MYO18A: variants seen among roughly 807,000 people sequenced by gnomAD.
MYO18A encodes unconventional myosin-XVIIIa.
In MYO18A, 78 loss-of-function variants were observed where a neutral mutation model predicts 235.8. The observed-to-expected ratio is 0.33, with a 90% CI of 0.28 to 0.40. The LOEUF is 0.40. Ranked by LOEUF, MYO18A falls within the 10% of genes least tolerant of loss-of-function variation. The pLI is 1.00. For missense variants in MYO18A, 2,215 were observed against 2,699.3 expected (o/e 0.82, Z 3.98); for synonymous variants, 977 against 1,077.8 (o/e 0.91, Z 1.83).
At position 29,119,341 on chromosome 17, in the gene MYO18A, G is replaced by A; in HGVS notation, c.1823C>T (p.Thr608Ile). ...FYYLLACGDG[T>I]LRTELHLNHL... Reference sequence around the variant, plus strand: ...ACCCTCTGACCCATCTCACCTGAGGGTGCCATCCCCACAGGCCAGCAGGTA... The same window carrying A: ...ACCCTCTGACCCATCTCACCTGAGGATGCCATCCCCACAGGCCAGCAGGTA... Residue 608 changes from threonine to isoleucine, a missense_variant, in exon 8 of 42, where the codon ACC becomes ATC. Coordinates refer to ENST00000527372, the MANE Select transcript of MYO18A (RefSeq NM_078471.4). 4 of 1,611,634 alleles carry A rather than the reference G, an allele frequency of 2.5e-6. No homozygotes were observed. Among genetic ancestry groups the A allele is most frequent in the Non-Finnish European group, 1.7e-6 (2 of 1,179,020 alleles).
At chr17:29,090,375 G>T (rs1195343148) in intron 36 of MYO18A, among the ~76,000 whole-genome samples, 157 bp downstream of exon 36, 2 of 152,224 alleles carry the variant, frequency 1.3e-5, no homozygotes, top group African/African-American at 4.8e-5. Context: ...CTGTTATGGT[G>T]ACATGGCTCC....
At chr17:29,092,241 G>A in intron 34 of MYO18A, 102 bp downstream of exon 34, 1 of 813,510 alleles carries the variant, frequency 1.2e-6, no homozygotes, top group Admixed American at 2.1e-5. Context: ...CCTGTCACAA[G>A]TCCTGACGTG....
chr17:29,102,997 G>C (rs2066692833), intron 21 of MYO18A, among the ~76,000 whole-genome samples: 1 of 152,186 alleles, frequency 6.6e-6, no homozygotes, highest in South Asian at 2.1e-4. Context: ...GGGCATGCAG[G>C]GCTTCCTGCC....
intron 2 of MYO18A, among the ~76,000 whole-genome samples, chr17:29,159,051 T>C (rs778694681): frequency 1.6e-4 from 24 of 152,046 alleles, no homozygotes; most frequent in Non-Finnish European, 2.9e-4. Flanking sequence ...GCCATGACCA[T>C]GTCATGTACC....
intron 37 of MYO18A, among the ~76,000 whole-genome samples, chr17:29,088,203 C>T (rs964102437): frequency 4.6e-5 from 7 of 151,620 alleles, no homozygotes; most frequent in African/African-American, 1.5e-4. Context: ...TACAGGCGCC[C>T]GCCACCACGC....
intron 2 of MYO18A, among the ~76,000 whole-genome samples, chr17:29,153,780 CA>C (rs2068004901): frequency 6.6e-6 from 1 of 152,184 alleles, no homozygotes; most frequent in Non-Finnish European, 1.5e-5. Context: ...TCTGTTTCTA[CA>C]GCAACAATGA....
chr17:29,110,106 C>A lies in MYO18A; in HGVS notation c.3088-5G>T. ...GATGGTGTCGATGAGGGCGTCCTGCCGAGGGGAAGAGACTGCCCTCAGTGG... is the reference window on the plus strand; with the variant it reads ...GATGGTGTCGATGAGGGCGTCCTGCAGAGGGGAAGAGACTGCCCTCAGTGG... On this transcript the variant is annotated splice_region_variant and splice_polypyrimidine_tract_variant and intron_variant, in intron 18 of 41. Coordinates refer to ENST00000527372, the MANE Select transcript of MYO18A (RefSeq NM_078471.4). The A allele has an allele frequency of 6.2e-7, 1 of 1,607,938 alleles. No individual in the cohort carries two copies. Among genetic ancestry groups the A allele is most frequent in the South Asian group, 1.1e-5 (1 of 90,920 alleles).
chr17:29,115,565 C>G, intron 12 of MYO18A, 99 bp downstream of exon 12: 1 of 1,475,952 alleles, frequency 6.8e-7, no homozygotes, highest in Non-Finnish European at 9.1e-7. Flanking sequence ...ACTGACAGAG[C>G]ATCTGTTCAC....
At chr17:29,113,940 G>A in intron 15 of MYO18A, 71 bp downstream of exon 15, 1 of 1,270,090 alleles carries the variant, frequency 7.9e-7, no homozygotes, top group Admixed American at 2.0e-5. Context: ...CAGATGGGGA[G>A]GGCTCCACCA....
intron 17 of MYO18A, among the ~76,000 whole-genome samples, 181 bp from the exon 18 acceptor site, chr17:29,110,803 C>T (rs1253005849): frequency 1.3e-5 from 2 of 152,110 alleles, no homozygotes; most frequent in Non-Finnish European, 2.9e-5. Flanking sequence ...AATTTTCAAA[C>T]AGTAAGGAGA....
intron 12 of MYO18A, 87 bp from the exon 13 acceptor site, chr17:29,115,528 C>A: frequency 6.6e-7 from 1 of 1,504,632 alleles, no homozygotes; most frequent in South Asian, 1.2e-5. Flanking sequence ...GCCCAGTCAG[C>A]ACGGGGCCTG....
chr17:29,090,421 T>C (rs1198634670), intron 36 of MYO18A, 111 bp downstream of exon 36: 1 of 946,046 alleles, frequency 1.1e-6, no homozygotes, highest in Non-Finnish European at 1.6e-6. Context: ...CGCTGCTCTG[T>C]GGATTACTGA....
rs2068615462 is a variant in MYO18A, at chr17:29,180,084, C to A, written c.-82+229G>T. Among the ~76,000 whole-genome samples the A allele has an allele frequency of 6.6e-6, 1 of 151,518 alleles. No homozygotes were observed. The highest frequency in any genetic ancestry group is 6.6e-5 in the Admixed American group (1 of 15,242). ...TTGGCTGGAAGGGCCGGTGGTTCCC[C>A]CTTCCCCGCCGCTCCCGATCGGCCC... On this transcript the variant is annotated intron_variant, in intron 1 of 41. Transcript: ENST00000527372. The surrounding 1 kb of genome is among the most constrained non-coding windows in gnomAD (Gnocchi z 6.1).
intron 1 of MYO18A, among the ~76,000 whole-genome samples, chr17:29,172,084 T>A (rs2152986491): frequency 6.6e-6 from 1 of 152,308 alleles, no homozygotes; most frequent in East Asian, 1.9e-4. Context: ...AATATGTATC[T>A]ATCAGCCACT....
intron 19 of MYO18A, 94 bp from the exon 20 acceptor site, chr17:29,107,283 C>A: frequency 2.5e-6 from 3 of 1,211,728 alleles, no homozygotes; most frequent in Non-Finnish European, 3.7e-6. Context: ...TGGAGAGTCA[C>A]CAAAAGGGAA....
chr17:29,142,262 C>A (rs527558317), intron 2 of MYO18A, among the ~76,000 whole-genome samples: 30 of 152,316 alleles, frequency 2.0e-4, no homozygotes, highest in Admixed American at 2.0e-3. Context: ...GATAAAAGCT[C>A]CCCAGGTGAT....
chr17:29,086,253 C>T (rs2066250865), intron 39 of MYO18A, among the ~76,000 whole-genome samples, 185 bp downstream of exon 39: 1 of 152,174 alleles, frequency 6.6e-6, no homozygotes, highest in Non-Finnish European at 1.5e-5. Context: ...CATCAGGGTG[C>T]ACCTGTCTCA....
chr17:29,136,247 A>AT lies in MYO18A; in HGVS notation c.1000-13995_1000-13994insA, dbSNP rs1567623789. 9.6e-4 allele frequency among the ~76,000 whole-genome samples: 69 copies of AT among 72,124 alleles called. 1 individual carries two copies. Among genetic ancestry groups the AT allele is most frequent in the Middle Eastern group, 6.0e-3 (1 of 166 alleles). 47.3% of individuals were successfully genotyped at this position (72,124 alleles called of 152,430 possible). Reference sequence around the variant, plus strand: ...CCCCATCTCAAAAGAAAAAAAAAAAAAAAATATATATATATATATATATAT... The same window carrying AT: ...CCCCATCTCAAAAGAAAAAAAAAAAATAAAATATATATATATATATATATAT... On this transcript the variant is annotated intron_variant, in intron 2 of 41. Transcript: ENST00000527372.
At chr17:29,105,773 A>G (rs1051295107) in intron 20 of MYO18A, among the ~76,000 whole-genome samples, 1 of 152,220 alleles carries the variant, frequency 6.6e-6, no homozygotes, top group Admixed American at 6.5e-5. Flanking sequence ...GGGGACATCT[A>G]GAAGACTTGC....
Sources: allele counts gnomAD v4.1 joint callset (sites outside exome capture counted in the v4.1 genomes callset), GRCh38; gene constraint gnomAD v4.1.1; non-coding constraint Gnocchi (gnomAD v3.1); transcripts MANE v1.5; gene names NCBI Gene and HGNC (gene_info 2026-07-23, HGNC 2026-07-21).